PDS5A: variants seen among roughly 807,000 people sequenced by gnomAD.
The protein encoded by PDS5A is PDS5 cohesin associated factor A.
Under a neutral mutation model 167.1 loss-of-function variants are expected in PDS5A, and 42 were observed. The observed-to-expected ratio is 0.25, with a 90% confidence interval of 0.20 to 0.33. PDS5A has a LOEUF of 0.33. Among genes scored for constraint, PDS5A ranks in the 10% least tolerant of loss-of-function variants. The pLI is 1.00. For missense variants in PDS5A, 1,033 were observed against 1,605.9 expected (o/e 0.64, Z 6.10); for synonymous variants, 553 against 554.6 (o/e 1.00, Z 0.04).
chr4:39,888,698 A>C (rs558193543), intron 17 of PDS5A, among the ~76,000 whole-genome samples: 13 of 152,110 alleles, frequency 8.5e-5, no homozygotes, highest in African/African-American at 3.1e-4. Flanking sequence ...AACAAAAAAA[A>C]AACAAATATT....
At chr4:39,973,452 C>A (rs866691215) in intron 2 of PDS5A, 1 of 1,357,960 alleles carries the variant, frequency 7.4e-7, no homozygotes, top group Admixed American at 1.7e-5. Flanking sequence ...CCAGCAGATA[C>A]CAGGGTGTTA....
At chr4:39,958,307 G>A (rs1729154396) in intron 2 of PDS5A, among the ~76,000 whole-genome samples, 1 of 151,922 alleles carries the variant, frequency 6.6e-6, no homozygotes, top group African/African-American at 2.4e-5. Flanking sequence ...AGGAGTTCAA[G>A]GTCAGCCTGG....
rs1717167841 is a variant in PDS5A, at chr4:39,842,909, T to TATATATATATATATATATATA, written c.3549-854_3549-853insTATATATATATATATATATAT. 5.2e-4 allele frequency among the ~76,000 whole-genome samples: 48 copies of TATATATATATATATATATATA among 92,308 alleles called. 3 individuals carry two copies. The highest frequency in any genetic ancestry group is 2.4e-3 in the African/African-American group (43 of 18,204). 60.6% of individuals were successfully genotyped at this position (92,308 alleles called of 152,430 possible). A position where few individuals can be genotyped will look rare whatever the true frequency, so the allele number is the denominator to read the frequency against. ...AGAACAATGTAAACTTATCCTATTT[T>TATATATATATATATATATATA]TATATATATATATATATATATATAT... On this transcript the variant is annotated intron_variant, in intron 30 of 32. Coordinates refer to ENST00000303538, the MANE Select transcript of PDS5A (RefSeq NM_001100399.2).
chr4:39,962,748 G>A (rs1254319493), intron 2 of PDS5A, among the ~76,000 whole-genome samples: 1 of 152,006 alleles, frequency 6.6e-6, no homozygotes, highest in East Asian at 1.9e-4. Context: ...AGGTTGCAGT[G>A]AACACACCAC....
In PDS5A at chr4:39,823,712, A is replaced by G. The variant is rs1033621775; in HGVS notation, c.*1773T>C. 2 of 152,638 alleles carry G rather than the reference A, an allele frequency of 1.3e-5. No homozygotes were observed. Among genetic ancestry groups the G allele is most frequent in the African/African-American group, 4.8e-5 (2 of 41,454 alleles). 9.5% of individuals were successfully genotyped at this position (152,638 alleles called of 1,614,324 possible). ...CTTTCTAAAGGGTTCTGAAGAGGCAATAAGGAAGAGTGGGGATTTTTCTGC... is the reference window on the plus strand; with the variant it reads ...CTTTCTAAAGGGTTCTGAAGAGGCAGTAAGGAAGAGTGGGGATTTTTCTGC... On this transcript the variant is annotated 3_prime_UTR_variant, in exon 33 of 33. Coordinates refer to ENST00000303538, the MANE Select transcript of PDS5A (RefSeq NM_001100399.2).
intron 2 of PDS5A, among the ~76,000 whole-genome samples, chr4:39,967,520 G>A (rs559693427): frequency 6.6e-6 from 1 of 150,464 alleles, no homozygotes; most frequent in South Asian, 2.1e-4. Flanking sequence ...GGTGGTGCAC[G>A]CCTGTGACCC....
intron 2 of PDS5A, among the ~76,000 whole-genome samples, chr4:39,940,485 T>C (rs1317708369): frequency 6.6e-6 from 1 of 152,158 alleles, no homozygotes; most frequent in Non-Finnish European, 1.5e-5. Context: ...TATATAAGAA[T>C]CTAAAGATAT....
At position 39,922,752 on chromosome 4, in the gene PDS5A, TAAAAA is replaced by T. The variant is rs368289837; in HGVS notation, c.528-9_528-5del. The T allele has an allele frequency of 5.7e-6, 7 of 1,237,634 alleles. No individual in the cohort carries two copies. Among genetic ancestry groups the T allele is most frequent in the South Asian group, 2.7e-5 (1 of 37,596 alleles). 76.7% of individuals were successfully genotyped at this position (1,237,634 alleles called of 1,614,324 possible). A position where few individuals can be genotyped will look rare whatever the true frequency, so the allele number is the denominator to read the frequency against. On this transcript the variant is annotated splice_polypyrimidine_tract_variant and splice_region_variant and intron_variant, in intron 5 of 32. Transcript: ENST00000303538. Reference sequence around the variant, plus strand: ...TACCTTCTTATTGTGGCTATTGCTATAAAAAAAAAAAAAAAAGAATAAGTAGTAGG... The same window carrying T: ...TACCTTCTTATTGTGGCTATTGCTATAAAAAAAAAAAGAATAAGTAGTAGG...
chr4:39,957,114 T>C (rs1036466666), intron 2 of PDS5A, among the ~76,000 whole-genome samples: 9 of 152,198 alleles, frequency 5.9e-5, no homozygotes, highest in Admixed American at 6.6e-5. Flanking sequence ...ACTTATTCTA[T>C]AGTGGCTACG....
intron 2 of PDS5A, among the ~76,000 whole-genome samples, chr4:39,939,400 G>A (rs1374285677): frequency 6.6e-6 from 1 of 152,162 alleles, no homozygotes; most frequent in Non-Finnish European, 1.5e-5. Flanking sequence ...CTAGGAGGGT[G>A]AGGCTGTAAT....
chr4:39,887,650 C>T (rs1455273753), intron 17 of PDS5A, among the ~76,000 whole-genome samples: 2 of 152,050 alleles, frequency 1.3e-5, no homozygotes, highest in African/African-American at 2.4e-5. Context: ...TGCTTAAAGA[C>T]AGTGATCTGA....
chr4:39,962,299 G>A (rs1023218116), intron 2 of PDS5A, among the ~76,000 whole-genome samples: 32 of 151,184 alleles, frequency 2.1e-4, no homozygotes, highest in African/African-American at 7.5e-4. Flanking sequence ...CTTGTGATCC[G>A]CCCGCCTTGG....
chr4:39,910,387 C>G, intron 9 of PDS5A, 49 bp from the exon 10 acceptor site: 1 of 913,668 alleles, frequency 1.1e-6, no homozygotes, highest in South Asian at 1.4e-5. Context: ...AAAATAATCA[C>G]TCTCAAATCA....
chr4:39,946,022 C>G (rs1465735565), intron 2 of PDS5A, among the ~76,000 whole-genome samples: 1 of 151,518 alleles, frequency 6.6e-6, no homozygotes, highest in Non-Finnish European at 1.5e-5. Flanking sequence ...GCCTGGCCAA[C>G]AAGGCGAAAC....
At chr4:39,867,089 C>T (rs1035058491) in intron 22 of PDS5A, 92 bp from the exon 23 acceptor site, 12 of 947,068 alleles carry the variant, frequency 1.3e-5, no homozygotes, top group Admixed American at 1.1e-4. Flanking sequence ...GATTACTCAT[C>T]TCCATCAGCA....
intron 8 of PDS5A, among the ~76,000 whole-genome samples, chr4:39,915,647 A>G (rs764872860): frequency 2.0e-5 from 3 of 152,126 alleles, no homozygotes; most frequent in African/African-American, 7.2e-5. Context: ...GGTATGAGCT[A>G]CCGCACTTGG....
rs373191152 is a variant in PDS5A at position 39,928,150 on chromosome 4, G to A, written c.153C>T (p.Thr51=). 27 of 1,604,368 alleles carry A rather than the reference G, an allele frequency of 1.7e-5. No homozygotes were observed. The highest frequency in any genetic ancestry group is 8.4e-5 in the Admixed American group (5 of 59,570). ...MIKRLKMVVK[T]FMDMDQDSED... ...CTGAGTCCTGATCCATATCCATAAA[G>A]GTTTTCACTACCATCTGTAAAAATG... The change falls in exon 3 of 33, where the codon ACC becomes ACT. Residue 51 remains threonine, a synonymous_variant. Coordinates refer to ENST00000303538, the MANE Select transcript of PDS5A (RefSeq NM_001100399.2).
intron 2 of PDS5A, among the ~76,000 whole-genome samples, chr4:39,950,290 G>A (rs745722463): frequency 8.6e-5 from 13 of 152,016 alleles, no homozygotes; most frequent in Admixed American, 3.3e-4. Context: ...GGCCGGGCAC[G>A]GTGGGTCTCA....
intron 18 of PDS5A, among the ~76,000 whole-genome samples, chr4:39,879,184 TCAATC>T (rs1289613193): frequency 1.3e-5 from 2 of 152,284 alleles, no homozygotes; most frequent in Admixed American, 6.5e-5. Flanking sequence ...CTTCTTTTAC[TCAATC>T]CAATGAAAGC....
Sources: allele counts gnomAD v4.1 joint callset (sites outside exome capture counted in the v4.1 genomes callset), GRCh38; gene constraint gnomAD v4.1.1; transcripts MANE v1.5; gene names NCBI Gene and HGNC (gene_info 2026-07-23, HGNC 2026-07-21).